SEPTIN2: variants seen among roughly 807,000 people sequenced by gnomAD.
SEPTIN2 encodes septin 2.
A neutral mutation model predicts 46.5 loss-of-function variants in SEPTIN2; 34 were observed. The ratio of observed to expected loss-of-function variants is 0.73; its 90% CI spans 0.56 to 0.97. SEPTIN2 has a LOEUF of 0.97. Ranked by LOEUF, SEPTIN2 falls within the 50% of genes least tolerant of loss-of-function variation. The pLI, the probability that SEPTIN2 is intolerant of heterozygous loss-of-function variation, is 0.00. For missense variants in SEPTIN2, 347 were observed against 448.4 expected (o/e 0.77, Z 2.04); for synonymous variants, 175 against 153.4 (o/e 1.14, Z -1.04).
intron 3 of SEPTIN2, among the ~76,000 whole-genome samples, chr2:241,333,683 T>G (rs916870881): frequency 6.6e-6 from 1 of 151,916 alleles, no homozygotes; most frequent in Non-Finnish European, 1.5e-5. Context: ...TTTTGTATTT[T>G]TAGTAGAGAC....
Position 241,334,978 on chromosome 2 carries a change from A to G in SEPTIN2, c.131-148A>G, listed in dbSNP as rs1007775390. On this transcript the variant is annotated intron_variant, in intron 3 of 12. Coordinates refer to ENST00000391971, the MANE Select transcript of SEPTIN2 (RefSeq NM_004404.5). ...TTCTTTGAGTACCCTCAAAGATCATACTGCAAACATAGTAGTACTGTAGGT... is the reference window on the plus strand; with the variant it reads ...TTCTTTGAGTACCCTCAAAGATCATGCTGCAAACATAGTAGTACTGTAGGT... The G allele has an allele frequency of 6.6e-6, 4 of 608,382 alleles. No homozygotes were observed. In the Admixed American group the frequency reaches 1.2e-4, roughly 18 times the overall value. The allele number at this position is 608,382 out of a possible 1,614,324, so 37.7% of individuals were successfully genotyped here. A position where few individuals can be genotyped will look rare whatever the true frequency, so the allele number is the denominator to read the frequency against.
chr2:241,342,242 TTC>T (rs1473460021), intron 7 of SEPTIN2, among the ~76,000 whole-genome samples: 1 of 152,136 alleles, frequency 6.6e-6, no homozygotes, highest in Non-Finnish European at 1.5e-5. Context: ...TTGTTTTTTT[TTC>T]TTTCTTTCTT....
rs753465071 is a variant in SEPTIN2 at position 241,335,219 on chromosome 2, A to G, written c.217+7A>G. The stretch of plus-strand genomic sequence containing the variant: ...GTCATACCTGGAGCAGCAGGTAAAA[A>G]CATTCTTATGTTACTGTAAGTGTAA... On this transcript the variant is annotated splice_region_variant and intron_variant, in intron 4 of 12. Coordinates refer to ENST00000391971, the MANE Select transcript of SEPTIN2 (RefSeq NM_004404.5). 25 of 1,611,512 alleles carry G rather than the reference A, an allele frequency of 1.6e-5. No homozygotes were observed. The highest frequency in any genetic ancestry group is 2.1e-5 in the Non-Finnish European group (25 of 1,178,168).
chr2:241,335,749 AT>A, intron 4 of SEPTIN2: 1 of 588,488 alleles, frequency 1.7e-6, no homozygotes, highest in Non-Finnish European at 3.0e-6. Context: ...AGAAATTATA[AT>A]TTTTAACATT....
intron 7 of SEPTIN2, among the ~76,000 whole-genome samples, chr2:241,342,534 ATTTTTTTTTT>A (rs548033372): frequency 5.7e-5 from 5 of 86,988 alleles, no homozygotes; most frequent in African/African-American, 1.7e-4. Flanking sequence ...AGTTTTGTAA[ATTTTTTTTTT>A]TTTTTTTTTT....
Position 241,343,736 on chromosome 2 carries a change from G to C in SEPTIN2, c.697-16G>C. 6.2e-7 allele frequency: 1 copy of C among 1,613,926 alleles called. No homozygotes were observed. The highest frequency in any genetic ancestry group is 8.5e-7 in the Non-Finnish European group (1 of 1,179,874). On this transcript the variant is annotated splice_polypyrimidine_tract_variant and intron_variant, in intron 8 of 12. Coordinates refer to ENST00000391971, the MANE Select transcript of SEPTIN2 (RefSeq NM_004404.5). ...TCCCTGTGTGGAGCCTGTCTACTCTGTGTGTCTCTTTCTAGGCTAGCATCC... is the reference window on the plus strand; with the variant it reads ...TCCCTGTGTGGAGCCTGTCTACTCTCTGTGTCTCTTTCTAGGCTAGCATCC...
At chr2:241,333,957 CCTT>C (rs973088016) in intron 3 of SEPTIN2, among the ~76,000 whole-genome samples, 67 of 152,256 alleles carry the variant, frequency 4.4e-4, no homozygotes, top group African/African-American at 1.6e-3. Context: ...CTCAAGCAAT[CCTT>C]CTGCCCTAGC....
chr2:241,324,202 T>A lies in SEPTIN2; in HGVS notation c.-17-14T>A, dbSNP rs781556521. ...TGTGCGTTTATGTGTGTCTGTGTGT[T>A]TTTTTTTTAACAGACGAAGCTTCAC... is the stretch of plus-strand genomic sequence containing the variant. On this transcript the variant is annotated splice_polypyrimidine_tract_variant and intron_variant, in intron 1 of 12. Transcript: ENST00000391971. The A allele has an allele frequency of 1.9e-6, 3 of 1,606,386 alleles. No individual in the cohort carries two copies. The highest frequency in any genetic ancestry group is 1.7e-5 in the Admixed American group (1 of 59,236).
chr2:241,347,925 G>A (rs1025608235), intron 10 of SEPTIN2, among the ~76,000 whole-genome samples: 25 of 152,238 alleles, frequency 1.6e-4, no homozygotes, highest in African/African-American at 6.0e-4. Context: ...TAAGGTGGGA[G>A]AATTGCTTGA....
At chr2:241,334,574 T>G (rs1184474388) in intron 3 of SEPTIN2, among the ~76,000 whole-genome samples, 1 of 152,114 alleles carries the variant, frequency 6.6e-6, no homozygotes, top group Non-Finnish European at 1.5e-5. Context: ...GGGGATGGAT[T>G]TAAAGCAGGA....
At chr2:241,340,543 G>A (rs769088819) in intron 7 of SEPTIN2, among the ~76,000 whole-genome samples, 2 of 152,128 alleles carry the variant, frequency 1.3e-5, no homozygotes, top group African/African-American at 4.8e-5. Context: ...AAGCGTAGAC[G>A]TTTTTATGCT....
At chr2:241,321,319 A>G (rs747226890) in intron 1 of SEPTIN2, among the ~76,000 whole-genome samples, 1 of 152,010 alleles carries the variant, frequency 6.6e-6, no homozygotes, top group Non-Finnish European at 1.5e-5. Context: ...GTGTTTATCT[A>G]CAGTGATTAT....
At chr2:241,321,626 G>A (rs559473116) in intron 1 of SEPTIN2, among the ~76,000 whole-genome samples, 2 of 151,946 alleles carry the variant, frequency 1.3e-5, no homozygotes, top group South Asian at 4.2e-4. Flanking sequence ...TTTAAGCAGA[G>A]AATTTGGTTA....
intron 3 of SEPTIN2, among the ~76,000 whole-genome samples, chr2:241,334,025 G>A (rs530303445): frequency 6.7e-5 from 10 of 149,202 alleles, no homozygotes; most frequent in African/African-American, 2.4e-4. Flanking sequence ...TAAGGTTTTG[G>A]GGTTTTTTTT....
rs540971123 is a variant in SEPTIN2 at position 241,330,687 on chromosome 2, A to G, written c.131-4439A>G. Among the ~76,000 whole-genome samples the G allele has an allele frequency of 4.9e-3, 749 of 152,362 alleles. 2 individuals carry two copies. The highest frequency in any genetic ancestry group is 8.0e-3 in the Non-Finnish European group (543 of 68,038). On this transcript the variant is annotated intron_variant, in intron 3 of 12. Transcript: ENST00000391971. ...AATACGAAATTTGTATTACTCTGCT[A>G]TTGTTCCGTAATGTATCAATCCCAT...
chr2:241,342,952 C>T, intron 7 of SEPTIN2, 40 bp from the exon 8 acceptor site: 1 of 1,072,824 alleles, frequency 9.3e-7, no homozygotes, highest in East Asian at 2.4e-5. Flanking sequence ...ATAACATACG[C>T]AGTTTGCTAA....
At chr2:241,330,724 C>A (rs1260723202) in intron 3 of SEPTIN2, among the ~76,000 whole-genome samples, 1 of 152,188 alleles carries the variant, frequency 6.6e-6, no homozygotes, top group Non-Finnish European at 1.5e-5. Context: ...GGAACAAATT[C>A]TCATTTTCAA....
At chr2:241,317,181 T>C (rs887475015) in intron 1 of SEPTIN2, 3 of 152,286 alleles carry the variant, frequency 2.0e-5, no homozygotes, top group Non-Finnish European at 4.4e-5. Flanking sequence ...CTCATTGTTT[T>C]CAGTGATTTT....
chr2:241,316,055 C>G (rs2076142408), intron 1 of SEPTIN2, 73 bp downstream of exon 1: 1 of 155,828 alleles, frequency 6.4e-6, no homozygotes, highest in Admixed American at 6.5e-5. Context: ...GGACGCGCCG[C>G]TCGTCCCATA....
Sources: allele counts gnomAD v4.1 joint callset (sites outside exome capture counted in the v4.1 genomes callset), GRCh38; gene constraint gnomAD v4.1.1; transcripts MANE v1.5; gene names NCBI Gene and HGNC (gene_info 2026-07-23, HGNC 2026-07-21).